STK11IP: variants seen among roughly 807,000 people sequenced by gnomAD.
STK11IP encodes serine/threonine-protein kinase 11-interacting protein.
In STK11IP, 103 loss-of-function variants were observed where a neutral mutation model predicts 131.7. The ratio of observed to expected loss-of-function variants is 0.78; its 90% CI spans 0.67 to 0.92. The LOEUF (loss-of-function observed/expected upper bound fraction) is 0.92. Ranked by LOEUF, STK11IP falls within the 40% of genes least tolerant of loss-of-function variation. The pLI, the probability that STK11IP is intolerant of heterozygous loss-of-function variation, is 0.00. For missense variants in STK11IP, 1,315 were observed against 1,385.7 expected (o/e 0.95, Z 0.81); for synonymous variants, 557 against 575.6 (o/e 0.97, Z 0.46).
Position 219,598,075 on chromosome 2 carries a change from T to C in STK11IP, c.-26-19T>C. 6.3e-7 allele frequency: 1 copy of C among 1,576,928 alleles called. No homozygotes were observed. The highest frequency in any genetic ancestry group is 8.6e-7 in the Non-Finnish European group (1 of 1,162,100). On this transcript the variant is annotated intron_variant, in intron 1 of 24. Coordinates refer to ENST00000456909, the MANE Select transcript of STK11IP (RefSeq NM_052902.4). Reference sequence around the variant, plus strand: ...TACCGCCCACCTGAGGCTCTTCCGCTTCCTCTTTCCCCCCCCAGGCTCCGC... The same window carrying C: ...TACCGCCCACCTGAGGCTCTTCCGCCTCCTCTTTCCCCCCCCAGGCTCCGC...
chr2:219,604,013 T>C (rs1378221733), intron 7 of STK11IP, among the ~76,000 whole-genome samples: 1 of 151,790 alleles, frequency 6.6e-6, no homozygotes, highest in Non-Finnish European at 1.5e-5. Context: ...GAAGTGGAGG[T>C]TGATTCACAT....
intron 24 of STK11IP, 76 bp downstream of exon 24, chr2:219,615,417 G>A: frequency 6.5e-7 from 1 of 1,536,058 alleles, no homozygotes; most frequent in African/African-American, 1.4e-5. Flanking sequence ...GGGCAGGGTG[G>A]GAAATGGGTC....
At chr2:219,614,930 T>C (rs1698525242) in intron 23 of STK11IP, 164 bp from the exon 24 acceptor site, 4 of 807,508 alleles carry the variant, frequency 5.0e-6, no homozygotes, top group Non-Finnish European at 7.6e-6. Context: ...TAGAGATTCA[T>C]GGAGCTTGGG....
At chr2:219,614,280 A>C (rs1044400907) in intron 22 of STK11IP, 38 bp downstream of exon 22, 9 of 1,606,310 alleles carry the variant, frequency 5.6e-6, no homozygotes, top group Non-Finnish European at 6.8e-6. Flanking sequence ...GTTGCTGCCC[A>C]ATCCTCTTTC....
chr2:219,600,736 A>G (rs1697958230), intron 2 of STK11IP, among the ~76,000 whole-genome samples: 1 of 152,244 alleles, frequency 6.6e-6, no homozygotes, highest in Non-Finnish European at 1.5e-5. Context: ...GAAAGTTTCT[A>G]CAGATGTGCT....
chr2:219,601,291 C>G lies in STK11IP; in HGVS notation c.118C>G (p.Gln40Glu), dbSNP rs373092696. 6.2e-7 allele frequency: 1 copy of G among 1,614,082 alleles called. No individual in the cohort carries two copies. Among genetic ancestry groups the G allele is most frequent in the African/African-American group, 1.3e-5 (1 of 75,070 alleles). The change falls in exon 3 of 25, where the codon CAG (glutamine) becomes GAG (glutamate). Residue 40 changes from glutamine to glutamate, a missense_variant. Transcript: ENST00000456909. ...TLSLLTPTLQ[Q>E]LNHVFELHLG... ...GAGCCTGCTGACTCCCACACTGCAA[C>G]AGCTGAACCACGTATTTGAGCTGCA...
chr2:219,604,922 C>T (rs541056476), intron 7 of STK11IP, among the ~76,000 whole-genome samples: 4 of 152,128 alleles, frequency 2.6e-5, no homozygotes, highest in East Asian at 3.9e-4. Flanking sequence ...CTCTGCCTCC[C>T]GGGTTCAAGC....
In STK11IP at chr2:219,615,184, C is replaced by G. The variant is rs577871796; in HGVS notation, c.2960C>G (p.Ser987Cys). 4.4e-6 allele frequency: 7 copies of G among 1,599,608 alleles called. No individual in the cohort carries two copies. In the South Asian group the frequency reaches 4.5e-5, roughly 10 times the overall value. The change falls in exon 24 of 25, where the codon TCT becomes TGT. Residue 987 changes from serine (S) to cysteine (C), a missense_variant. By Grantham distance (112) the Ser-to-Cys change is moderately radical. Transcript: ENST00000456909. Reference sequence around the variant, plus strand: ...GCTGCAGGGTCCCCGGCAGAGCCCTCTCCTCCAGCAGCATCTGGCGAAGCC... The same window carrying G: ...GCTGCAGGGTCCCCGGCAGAGCCCTGTCCTCCAGCAGCATCTGGCGAAGCC... ...EDAAGSPAEP[S>C]PPAASGEASE...
chr2:219,609,478 C>T lies in STK11IP; in HGVS notation c.2042C>T (p.Pro681Leu). The T allele has an allele frequency of 6.2e-7, 1 of 1,604,352 alleles. No homozygotes were observed. Among genetic ancestry groups the T allele is most frequent in the East Asian group, 2.2e-5 (1 of 44,614 alleles). Residue 681 changes from proline to leucine, a missense_variant, in exon 17 of 25, where the codon CCA (proline) becomes CTA (leucine). Transcript: ENST00000456909. Reference sequence around the variant, plus strand: ...CTACGCTGTGGCCATGAGTTCAAGCCAGAGGAGCCCAGGATGGGATTAGAC... The same window carrying T: ...CTACGCTGTGGCCATGAGTTCAAGCTAGAGGAGCCCAGGATGGGATTAGAC... The part of the protein sequence containing the change: ...QCLRCGHEFK[P>L]EEPRMGLDSE...
chr2:219,609,070 T>C, intron 15 of STK11IP, 27 bp from the exon 16 acceptor site: 1 of 1,529,134 alleles, frequency 6.5e-7, no homozygotes, highest in Non-Finnish European at 8.9e-7. Flanking sequence ...CTGCTGTTTT[T>C]CACCCGGTCC....
rs1698319284 is a variant in STK11IP at position 219,609,449 on chromosome 2, G to A, written c.2013G>A (p.Gln671=). The change falls in exon 17 of 25, where the codon CAG becomes CAA. Residue 671 remains glutamine, a synonymous_variant. Transcript: ENST00000456909. ...GGGACCTCCTGCTGGGTAGATTCCA[G>A]TGTCTACGCTGTGGCCATGAGTTCA... ...EARDLLLGRF[Q]CLRCGHEFKP... 2 of 1,611,936 alleles carry A rather than the reference G, an allele frequency of 1.2e-6. No homozygotes were observed. The highest frequency in any genetic ancestry group is 1.7e-6 in the Non-Finnish European group (2 of 1,179,234).
Position 219,605,974 on chromosome 2 carries a change from A to G in STK11IP, c.764A>G (p.Asn255Ser). The G allele has an allele frequency of 1.9e-6, 3 of 1,606,956 alleles. No individual in the cohort carries two copies. The highest frequency in any genetic ancestry group is 1.3e-5 in the African/African-American group (1 of 74,926). Residue 255 changes from asparagine to serine, a missense_variant, in exon 9 of 25, where the codon AAT (asparagine) becomes AGT (serine). Asn to Ser is a conservative substitution (Grantham distance 46, BLOSUM62 1). Coordinates refer to ENST00000456909, the MANE Select transcript of STK11IP (RefSeq NM_052902.4). ...ACCCCAGGCCTAGAGCAGCTGAGGA[A>G]TCTGCGGCACCTGGATTTGGCATAC... The part of the protein sequence containing the change: ...RSLHGLEQLR[N>S]LRHLDLAYNL...
chr2:219,600,214 C>T (rs546466247), intron 2 of STK11IP, among the ~76,000 whole-genome samples: 10 of 152,086 alleles, frequency 6.6e-5, no homozygotes, highest in South Asian at 2.1e-4. Context: ...AGGCGCATGT[C>T]GCAATGCCCA....
rs540287432 is a variant in STK11IP, at chr2:219,603,333, C to T, written c.618+557C>T. 1.6e-4 allele frequency among the ~76,000 whole-genome samples: 25 copies of T among 151,738 alleles called. No individual in the cohort carries two copies. The East Asian group carries it at 3.9e-3, about 24-fold the overall frequency. ...CTGGGATTACAGGCATGAGCCACCA[C>T]GCCCGGCTGAATACCTGCTTTTATA... On this transcript the variant is annotated intron_variant, in intron 7 of 24. Transcript: ENST00000456909.
At chr2:219,614,947 A>T in intron 23 of STK11IP, 147 bp from the exon 24 acceptor site, 2 of 927,878 alleles carry the variant, frequency 2.2e-6, no homozygotes, top group Middle Eastern at 3.3e-4. Context: ...TGGGAAAGGG[A>T]GGGTCTTGGC....
At chr2:219,598,482 T>C (rs1388813242) in intron 2 of STK11IP, 1 of 316,286 alleles carries the variant, frequency 3.2e-6, no homozygotes, top group Non-Finnish European at 5.8e-6. Flanking sequence ...GGGACTGATC[T>C]CGGTCATAAT....
intron 24 of STK11IP, chr2:219,615,768 G>C (rs1698552563): frequency 1.5e-6 from 1 of 677,688 alleles, no homozygotes; most frequent in African/African-American, 1.8e-5. Context: ...GTGGAGCCGG[G>C]AATTGAATCC....
rs774549015 is a variant in STK11IP at position 219,601,991 on chromosome 2, C to T, written c.346C>T (p.Arg116Ter). 9.9e-6 allele frequency: 16 copies of T among 1,609,700 alleles called. No homozygotes were observed. Among genetic ancestry groups the T allele is most frequent in the South Asian group, 5.6e-5 (5 of 89,904 alleles). ...PFKSLRHLELRGVPLHCLHGL... is the reference protein window; with the variant it reads ...PFKSLRHLEL ...CCCTCCTCTTTCCTTGTCCCAGCTC[C>T]GAGGTGTTCCCCTCCACTGTCTGCA... Residue 116 changes from arginine (R) to a stop codon, truncating the protein, a stop_gained, in exon 5 of 25, where the codon CGA becomes TGA. Transcript: ENST00000456909. LOFTEE classifies it high-confidence loss of function.
chr2:219,605,737 G>T lies in STK11IP; in HGVS notation c.745+3G>T. The T allele has an allele frequency of 6.3e-7, 1 of 1,597,454 alleles. No homozygotes were observed. ...CAATGAGCTTCGGAGCCTGCATGGT[G>T]AGTGGGGGTGTGTGATGGGGCAAGC... On this transcript the variant is annotated splice_donor_region_variant and intron_variant, in intron 8 of 24. Transcript: ENST00000456909.
Sources: gnomAD v4.1 joint callset for allele counts (sites outside exome capture counted in the v4.1 genomes callset) on GRCh38, gnomAD v4.1.1 for gene constraint, MANE v1.5 for transcripts, NCBI Gene and HGNC (gene_info 2026-07-23, HGNC 2026-07-21) for gene names.